APBA2: variants seen among roughly 807,000 people sequenced by gnomAD.
The protein encoded by APBA2 is amyloid beta precursor protein binding family A member 2.
APBA2 carries 30 observed loss-of-function variants against 75.0 expected under a neutral mutation model. That is an observed-to-expected ratio of 0.40 (90% CI 0.30 to 0.54). The LOEUF is 0.54. APBA2 is among the 20% of genes least tolerant of loss of function. The probability of loss-of-function intolerance (pLI) is 0.49; values close to 1 mark genes in which losing one functional copy is unlikely to be tolerated. For missense variants in APBA2, 801 were observed against 1,016.1 expected (o/e 0.79, Z 2.88); for synonymous variants, 444 against 409.6 (o/e 1.08, Z -1.01).
chr15:29,024,692 C>G (rs4779473), intron 3 of APBA2, among the ~76,000 whole-genome samples: 55,140 of 152,184 alleles, frequency 0.36, 16,259 homozygotes, highest in African/African-American at 0.79. Flanking sequence ...AGCAGAATCT[C>G]ATAGGACGAG....
chr15:28,956,442 C>T (rs1438489271), intron 2 of APBA2, among the ~76,000 whole-genome samples: 3 of 152,004 alleles, frequency 2.0e-5, no homozygotes, highest in Non-Finnish European at 4.4e-5. Context: ...ATGGAGCAGG[C>T]GACAGCCGGG....
intron 4 of APBA2, among the ~76,000 whole-genome samples, chr15:29,069,335 T>C (rs1035815026): frequency 1.5e-4 from 23 of 152,274 alleles, no homozygotes; most frequent in African/African-American, 5.5e-4. Context: ...GTACAAGCTT[T>C]TGTGTAGACA....
At chr15:28,941,725 A>C (rs1430994483) in intron 2 of APBA2, among the ~76,000 whole-genome samples, 1 of 152,132 alleles carries the variant, frequency 6.6e-6, no homozygotes. Context: ...AGGATTGTAA[A>C]GGTTGTTTCA....
intron 2 of APBA2, among the ~76,000 whole-genome samples, chr15:28,923,953 A>G (rs1318186521): frequency 1.3e-5 from 2 of 152,100 alleles, no homozygotes; most frequent in Admixed American, 1.3e-4. Flanking sequence ...TTCATTTCTC[A>G]TTCTTTGTTG....
chr15:29,056,636 CCTCTCT>C (rs147310000), intron 4 of APBA2, among the ~76,000 whole-genome samples: 146 of 96,300 alleles, frequency 1.5e-3, no homozygotes, highest in African/African-American at 3.7e-3. Flanking sequence ...CTCCCTCCCT[CCTCTCT>C]CTCTCTCTCT....
At chr15:29,078,919 T>C (rs796313466) in intron 6 of APBA2, among the ~76,000 whole-genome samples, 8 of 152,344 alleles carry the variant, frequency 5.3e-5, no homozygotes, top group African/African-American at 1.9e-4. Flanking sequence ...GACCCTCTGT[T>C]ACCTTTCATA....
At chr15:28,962,561 G>T (rs914165016) in intron 2 of APBA2, among the ~76,000 whole-genome samples, 1 of 150,606 alleles carries the variant, frequency 6.6e-6, no homozygotes, top group Non-Finnish European at 1.5e-5. Context: ...GTGAGACTCC[G>T]TCTCAAAAAA....
chr15:29,017,062 C>T (rs199856334), intron 3 of APBA2, among the ~76,000 whole-genome samples: 2 of 152,066 alleles, frequency 1.3e-5, no homozygotes, highest in South Asian at 2.1e-4. Context: ...GGTTGGGTCC[C>T]GGGTACCCCT....
chr15:28,952,521 G>C (rs756224808), intron 2 of APBA2, among the ~76,000 whole-genome samples: 1 of 152,126 alleles, frequency 6.6e-6, no homozygotes, highest in African/African-American at 2.4e-5. Flanking sequence ...AACAGACCAA[G>C]ACTCTGTTTA....
chr15:29,071,884 C>T (rs1035808701), intron 4 of APBA2, among the ~76,000 whole-genome samples: 7 of 151,950 alleles, frequency 4.6e-5, no homozygotes, highest in East Asian at 2.0e-4. Flanking sequence ...TTGTGTTGCC[C>T]GTGGACACCC....
rs935540947 is a variant in APBA2 at position 29,117,804 on chromosome 15, C to CTAA, written c.*673_*675dup. The stretch of plus-strand genomic sequence containing the variant: ...CAGACTCTAGGGTTTTCCAATGTGA[C>CTAA]TAATGACCACACCTGCCTCTCCCGT... On this transcript the variant is annotated 3_prime_UTR_variant, in exon 15 of 15. Coordinates refer to ENST00000683413, the MANE Select transcript of APBA2 (RefSeq NM_001353788.2). 1.4e-4 allele frequency: 22 copies of CTAA among 152,362 alleles called. No homozygotes were observed. The highest frequency in any genetic ancestry group is 4.4e-4 in the African/African-American group (18 of 41,218). 9.4% of individuals were successfully genotyped at this position (152,362 alleles called of 1,614,324 possible). A position where few individuals can be genotyped will look rare whatever the true frequency, so the allele number is the denominator to read the frequency against.
At chr15:29,100,216 A>T (rs1248741299) in intron 9 of APBA2, among the ~76,000 whole-genome samples, 1 of 152,222 alleles carries the variant, frequency 6.6e-6, no homozygotes, top group Non-Finnish European at 1.5e-5. Context: ...TCAGGCATTT[A>T]TGACAGTGAC....
At chr15:28,903,560 A>G (rs573307525) in intron 1 of APBA2, among the ~76,000 whole-genome samples, 126 of 152,308 alleles carry the variant, frequency 8.3e-4, no homozygotes, top group African/African-American at 2.9e-3. Context: ...GAAATGAAAT[A>G]TTGCCCAGGG....
At chr15:28,915,441 G>A (rs1158859744) in intron 1 of APBA2, among the ~76,000 whole-genome samples, 7 of 129,080 alleles carry the variant, frequency 5.4e-5, no homozygotes, top group Middle Eastern at 6.9e-3. Context: ...CATACACACC[G>A]TATACATACC....
At chr15:28,949,964 C>T (rs934362913) in intron 2 of APBA2, among the ~76,000 whole-genome samples, 2 of 152,142 alleles carry the variant, frequency 1.3e-5, no homozygotes, top group Non-Finnish European at 2.9e-5. Context: ...GCAGTTTATT[C>T]CAATTTCCTT....
At chr15:29,106,388 T>C (rs1470862651) in intron 11 of APBA2, among the ~76,000 whole-genome samples, 1 of 71,054 alleles carries the variant, frequency 1.4e-5, no homozygotes, top group Non-Finnish European at 2.6e-5. Context: ...GATTGCTGGG[T>C]GGACCCCAGG....
intron 3 of APBA2, among the ~76,000 whole-genome samples, chr15:29,008,415 T>G (rs1416431091): frequency 3.3e-5 from 5 of 152,200 alleles, no homozygotes; most frequent in Non-Finnish European, 5.9e-5. Flanking sequence ...TACCACAATT[T>G]TTTTTTCTTA....
chr15:29,098,358 A>G (rs1422372615), intron 8 of APBA2, 132 bp from the exon 9 acceptor site: 2 of 722,180 alleles, frequency 2.8e-6, no homozygotes, highest in East Asian at 2.6e-5. Context: ...ATATGAAATG[A>G]TATATTGTTG....
chr15:29,077,329 T>A (rs1452367298), intron 6 of APBA2, among the ~76,000 whole-genome samples: 1 of 152,160 alleles, frequency 6.6e-6, no homozygotes, highest in Non-Finnish European at 1.5e-5. Flanking sequence ...ACTGTGCCAT[T>A]TTCCTTGGCA....
Sources: allele counts gnomAD v4.1 joint callset (sites outside exome capture counted in the v4.1 genomes callset), GRCh38; gene constraint gnomAD v4.1.1; transcripts MANE v1.5; gene names NCBI Gene and HGNC (gene_info 2026-07-23, HGNC 2026-07-21).